The following PDE7B variants were observed in gnomAD, a reference collection of about 807,000 sequenced individuals.
PDE7B encodes phosphodiesterase 7B, also known as 3',5'-cyclic-AMP phosphodiesterase 7B.
In PDE7B, 29 loss-of-function variants were observed where a neutral mutation model predicts 56.2. That is an observed-to-expected ratio of 0.52 (90% confidence interval 0.38 to 0.70). The LOEUF (loss-of-function observed/expected upper bound fraction) is 0.70. Among genes scored for constraint, PDE7B ranks in the 30% least tolerant of loss-of-function variants. The probability of loss-of-function intolerance (pLI) is 0.00; values close to 1 mark genes in which losing one functional copy is unlikely to be tolerated. For synonymous variants in PDE7B, 197 were observed against 196.9 expected, an observed-to-expected ratio of 1.00 and a Z score of 0.00; for missense variants, 490 against 565.0, an observed-to-expected ratio of 0.87 and a Z score of 1.35.
At chr6:135,874,013 T>A (rs555983201) in intron 1 of PDE7B, among the ~76,000 whole-genome samples, 1 of 152,264 alleles carries the variant, frequency 6.6e-6, no homozygotes, top group Admixed American at 6.5e-5. Context: ...TTGCTGATGA[T>A]TGCTATAGAA....
rs1462845055 is a variant in PDE7B at position 136,191,707 on chromosome 6, C to T, written c.1220C>T (p.Ala407Val). ...TLSENMLGHL[A>V]HNKAQWKSLL... Reference sequence around the variant, plus strand: ...TCGGAGAACATGCTGGGCCACCTCGCACACAACAAGGCCCAGTGGAAGAGC... The same window carrying T: ...TCGGAGAACATGCTGGGCCACCTCGTACACAACAAGGCCCAGTGGAAGAGC... The change falls in exon 13 of 13, where the codon GCA (alanine) becomes GTA (valine). Residue 407 changes from alanine (A) to valine (V), a missense_variant. Coordinates refer to ENST00000308191, the MANE Select transcript of PDE7B (RefSeq NM_018945.4). The T allele has an allele frequency of 2.5e-6, 4 of 1,613,248 alleles. No individual in the cohort carries two copies. The highest frequency in any genetic ancestry group is 1.7e-6 in the Non-Finnish European group (2 of 1,179,628).
intron 3 of PDE7B, among the ~76,000 whole-genome samples, chr6:136,145,942 C>T (rs1778406278): frequency 6.6e-6 from 1 of 152,184 alleles, no homozygotes; most frequent in Non-Finnish European, 1.5e-5. Context: ...TTTATTTCTA[C>T]TTAGCACCTT....
intron 3 of PDE7B, among the ~76,000 whole-genome samples, chr6:136,144,384 T>G (rs1022461099): frequency 6.6e-6 from 1 of 152,158 alleles, no homozygotes; most frequent in African/African-American, 2.4e-5. Flanking sequence ...ACTTTATCAC[T>G]AAATATTTCA....
At chr6:136,008,700 A>C (rs1775833402) in intron 2 of PDE7B, among the ~76,000 whole-genome samples, 1 of 152,110 alleles carries the variant, frequency 6.6e-6, no homozygotes, top group Admixed American at 6.5e-5. Flanking sequence ...TTTCTTGTAA[A>C]TTTGTTGGAG....
intron 8 of PDE7B, among the ~76,000 whole-genome samples, chr6:136,157,480 A>G (rs1190887602): frequency 1.3e-5 from 2 of 152,232 alleles, no homozygotes; most frequent in Admixed American, 6.5e-5. Flanking sequence ...TGGGAGGCTG[A>G]GACAGGAGAA....
chr6:135,852,211 T>C lies in PDE7B; in HGVS notation c.21+192T>C, dbSNP rs565386707. 2.6e-5 allele frequency among the ~76,000 whole-genome samples: 4 copies of C among 152,262 alleles called. No homozygotes were observed. The South Asian group carries it at 8.3e-4, about 32-fold the overall frequency. On this transcript the variant is annotated intron_variant, in intron 1 of 12. Coordinates refer to ENST00000308191, the MANE Select transcript of PDE7B (RefSeq NM_018945.4). ...ACTGACTAAACATTATCACTTACCC[T>C]GAATTAACCGTTTAAGGGCAGCAGG... is the stretch of plus-strand genomic sequence containing the variant.
intron 3 of PDE7B, among the ~76,000 whole-genome samples, chr6:136,123,038 G>A (rs1202460042): frequency 1.3e-5 from 2 of 152,106 alleles, no homozygotes; most frequent in East Asian, 1.9e-4. Context: ...TCTTACAGTG[G>A]AAAGTGAACA....
chr6:136,188,628 G>A (rs537127425), intron 12 of PDE7B, among the ~76,000 whole-genome samples: 1 of 152,274 alleles, frequency 6.6e-6, no homozygotes, highest in East Asian at 1.9e-4. Context: ...GGACTCACGT[G>A]GTTCAGCACA....
rs187391778 is a variant in PDE7B, at chr6:136,191,466, A to G, written c.1127-148A>G. ...CGGATCACTTGAGGTCGGGAGTTCA[A>G]GGCCAACCTGGCCAACATGGGGAAA... On this transcript the variant is annotated intron_variant, in intron 12 of 12. Transcript: ENST00000308191. 8.8e-4 allele frequency: 604 copies of G among 689,880 alleles called. 9 individuals are homozygous for G. The East Asian group carries it at 0.016, about 19-fold the overall frequency. The allele number at this position is 689,880 out of a possible 1,614,324, so 42.7% of individuals were successfully genotyped here. A position where few individuals can be genotyped will look rare whatever the true frequency, so the allele number is the denominator to read the frequency against.
At chr6:135,875,187 C>A (rs1206278184) in intron 1 of PDE7B, among the ~76,000 whole-genome samples, 2 of 151,876 alleles carry the variant, frequency 1.3e-5, no homozygotes, top group Non-Finnish European at 2.9e-5. Context: ...TTTCTTTTAA[C>A]TGTCAAGCTA....
intron 1 of PDE7B, among the ~76,000 whole-genome samples, chr6:135,858,786 T>G (rs750928735): frequency 6.6e-6 from 1 of 152,194 alleles, no homozygotes; most frequent in Non-Finnish European, 1.5e-5. Context: ...CATATTTTAC[T>G]GGTTTGAACA....
intron 1 of PDE7B, among the ~76,000 whole-genome samples, chr6:135,937,677 C>A (rs757721114): frequency 3.3e-5 from 5 of 152,048 alleles, no homozygotes; most frequent in Non-Finnish European, 5.9e-5. Flanking sequence ...TTTCCCAAAT[C>A]TAGGTTGGTT....
chr6:135,900,726 T>G (rs982251792), intron 1 of PDE7B, among the ~76,000 whole-genome samples: 3 of 152,066 alleles, frequency 2.0e-5, no homozygotes, highest in African/African-American at 7.2e-5. Flanking sequence ...ATTTCCTTAT[T>G]CTGTATTTTT....
intron 8 of PDE7B, among the ~76,000 whole-genome samples, chr6:136,157,243 T>C (rs548602842): frequency 3.3e-5 from 5 of 152,260 alleles, no homozygotes; most frequent in African/African-American, 1.2e-4. Flanking sequence ...CTAACAGCTC[T>C]CCTACAATGC....
chr6:135,967,725 T>C (rs1471947479), intron 2 of PDE7B, among the ~76,000 whole-genome samples: 1 of 152,232 alleles, frequency 6.6e-6, no homozygotes, highest in African/African-American at 2.4e-5. Flanking sequence ...ATGGTTTGGC[T>C]TATCTGCTTT....
chr6:136,125,904 A>C (rs560580875), intron 3 of PDE7B, among the ~76,000 whole-genome samples: 2 of 152,232 alleles, frequency 1.3e-5, no homozygotes, highest in Non-Finnish European at 2.9e-5. Flanking sequence ...CACATTTTAT[A>C]ATCTTTACTA....
chr6:136,151,931 C>CTCTG (rs1491179705), intron 6 of PDE7B, among the ~76,000 whole-genome samples: 4 of 150,964 alleles, frequency 2.6e-5, no homozygotes, highest in African/African-American at 9.9e-5. Context: ...CAGTGCAAGA[C>CTCTG]TCTGTCTTAA....
intron 2 of PDE7B, among the ~76,000 whole-genome samples, chr6:136,007,081 C>T (rs542326808): frequency 6.6e-6 from 1 of 152,226 alleles, no homozygotes; most frequent in South Asian, 2.1e-4. Flanking sequence ...AAGGCATGTT[C>T]CTTCAATACA....
intron 12 of PDE7B, among the ~76,000 whole-genome samples, chr6:136,189,064 ATTTCCTC>A (rs904934029): frequency 1.3e-5 from 2 of 152,014 alleles, no homozygotes; most frequent in African/African-American, 4.8e-5. Context: ...TAATGCAGCT[ATTTCCTC>A]TGTCCTTATT....
Sources: allele counts gnomAD v4.1 joint callset (sites outside exome capture counted in the v4.1 genomes callset), GRCh38; gene constraint gnomAD v4.1.1; transcripts MANE v1.5; gene names NCBI Gene and HGNC (gene_info 2026-07-23, HGNC 2026-07-21).